The following SNX24 variants were observed in gnomAD, a reference collection of about 807,000 sequenced individuals.
SNX24 encodes the protein sorting nexin-24.
In SNX24, 22 loss-of-function variants were observed where a neutral mutation model predicts 28.7. The ratio of observed to expected loss-of-function variants is 0.77; its 90% CI spans 0.55 to 1.10. The LOEUF (loss-of-function observed/expected upper bound fraction) is 1.10, where lower values mean the gene tolerates loss of function less well. Among genes scored for constraint, SNX24 ranks in the 50% least tolerant of loss-of-function variants. The pLI is 0.00. For synonymous variants in SNX24, 69 were observed against 71.5 expected (o/e 0.96, Z 0.18); for missense variants, 221 against 201.1 (o/e 1.10, Z -0.60).
chr5:122,921,863 T>C (rs572164437), intron 1 of SNX24, among the ~76,000 whole-genome samples: 2 of 152,298 alleles, frequency 1.3e-5, no homozygotes, highest in South Asian at 2.1e-4. Context: ...CTCGAATCCA[T>C]TGTTCTTTCT....
intron 1 of SNX24, among the ~76,000 whole-genome samples, chr5:122,853,115 C>CA (rs1754998900): frequency 1.4e-5 from 1 of 71,588 alleles, no homozygotes; most frequent in Non-Finnish European, 2.5e-5. Flanking sequence ...GTTCTTTAGC[C>CA]TTTTTTTTTT....
At chr5:122,978,485 C>CTG (rs1283802281) in intron 3 of SNX24, among the ~76,000 whole-genome samples, 1 of 152,102 alleles carries the variant, frequency 6.6e-6, no homozygotes, top group Non-Finnish European at 1.5e-5. Flanking sequence ...ATTTTTATTC[C>CTG]TGTGCTACCC....
intron 3 of SNX24, among the ~76,000 whole-genome samples, chr5:122,971,024 C>A (rs1760936900): frequency 6.6e-6 from 1 of 152,142 alleles, no homozygotes; most frequent in Admixed American, 6.5e-5. Context: ...TGAAGTCTCA[C>A]GATAGGCTCT....
intron 1 of SNX24, among the ~76,000 whole-genome samples, chr5:122,885,636 A>G (rs1460632433): frequency 6.6e-6 from 1 of 152,114 alleles, no homozygotes. Context: ...TTAACTCTGG[A>G]CCAAGCAGCT....
chr5:123,026,352 T>C (rs1367748552), intron 5 of SNX24, among the ~76,000 whole-genome samples: 2 of 152,134 alleles, frequency 1.3e-5, no homozygotes. Context: ...TGCACCTGTT[T>C]CCTGAGGCTC....
chr5:122,936,273 A>C (rs1434421238), intron 1 of SNX24, among the ~76,000 whole-genome samples: 1 of 152,152 alleles, frequency 6.6e-6, no homozygotes, highest in Non-Finnish European at 1.5e-5. Context: ...AATTAACCTA[A>C]AATGCACTGC....
At chr5:122,884,195 A>AT (rs1756597057) in intron 1 of SNX24, among the ~76,000 whole-genome samples, 1 of 135,044 alleles carries the variant, frequency 7.4e-6, no homozygotes, top group African/African-American at 2.8e-5. Context: ...TGAATTCTGG[A>AT]TTTTTTTCCT....
At chr5:123,004,154 T>G (rs1275035818) in intron 6 of SNX24, among the ~76,000 whole-genome samples, 1 of 152,206 alleles carries the variant, frequency 6.6e-6, no homozygotes, top group Non-Finnish European at 1.5e-5. Flanking sequence ...AGTGTCTGTC[T>G]TCAAAGATCT....
At chr5:122,964,669 A>T (rs1442376643) in intron 3 of SNX24, among the ~76,000 whole-genome samples, 1 of 152,178 alleles carries the variant, frequency 6.6e-6, no homozygotes, top group Admixed American at 6.5e-5. Context: ...ATATATAAAA[A>T]GTATAAAAAT....
chr5:122,849,635 G>A (rs939238716), intron 1 of SNX24, among the ~76,000 whole-genome samples: 1 of 152,048 alleles, frequency 6.6e-6, no homozygotes, highest in African/African-American at 2.4e-5. Flanking sequence ...AGTTTGTGAA[G>A]AAGTAGGAGA....
At position 122,889,695 on chromosome 5, in the gene SNX24, A is replaced by G. The variant is rs537793644; in HGVS notation, c.60+44002A>G. Among the ~76,000 whole-genome samples the G allele has an allele frequency of 3.8e-5, 5 of 132,262 alleles. No individual in the cohort carries two copies. The South Asian group carries it at 9.6e-4, about 25-fold the overall frequency. 86.8% of individuals were successfully genotyped at this position (132,262 alleles called of 152,430 possible). A position where few individuals can be genotyped will look rare whatever the true frequency, so the allele number is the denominator to read the frequency against. On this transcript the variant is annotated intron_variant, in intron 1 of 6. Transcript: ENST00000261369. ...TATATGTGTATATATATGTATATGT[A>G]TGTGTATATATATGTATATATATAT...
rs747008686 is a variant in SNX24 at position 122,946,087 on chromosome 5, T to G, written c.177T>G (p.Pro59=). The change falls in exon 3 of 7, where the codon CCT becomes CCG. Residue 59 remains proline (P), a synonymous_variant. Transcript: ENST00000261369. Reference sequence around the variant, plus strand: ...AATGTATAAAAACTCCAGAAATCCCTTCTAAACATGTTAGGAACTGGGTCC... The same window carrying G: ...AATGTATAAAAACTCCAGAAATCCCGTCTAAACATGTTAGGAACTGGGTCC... ...LKKCIKTPEI[P]SKHVRNWVPK... is the part of the protein sequence containing the mutation. The G allele has an allele frequency of 2.6e-5, 42 of 1,609,282 alleles. No individual in the cohort carries two copies. The highest frequency in any genetic ancestry group is 3.4e-5 in the Non-Finnish European group (40 of 1,176,746).
chr5:122,860,656 G>C (rs1055296413), intron 1 of SNX24, among the ~76,000 whole-genome samples: 4 of 152,160 alleles, frequency 2.6e-5, no homozygotes, highest in Non-Finnish European at 5.9e-5. Flanking sequence ...GAGTGCAGTG[G>C]CATGGTCTTA....
chr5:122,993,158 C>T lies in SNX24; in HGVS notation c.250-6754C>T, dbSNP rs375251862. On this transcript the variant is annotated intron_variant, in intron 3 of 6. Coordinates refer to ENST00000261369, the MANE Select transcript of SNX24 (RefSeq NM_014035.4). ...ATTCCTTGAGTAGTGCAGTTTTTAC[C>T]AAGGCACAGGCTAGACACATCTTGC... 3.9e-5 allele frequency among the ~76,000 whole-genome samples: 6 copies of T among 152,092 alleles called. 2 individuals are homozygous for T. The highest frequency in any genetic ancestry group is 1.3e-4 in the Admixed American group (2 of 15,284).
chr5:122,875,842 T>G lies in SNX24; in HGVS notation c.60+30149T>G, dbSNP rs193129275. On this transcript the variant is annotated intron_variant, in intron 1 of 6. Transcript: ENST00000261369. ...CTTGCTCTTAGCGCCCAGGCTGGAG[T>G]GCAATGGTGCAGTCTTGGCTCACTG... Among the ~76,000 whole-genome samples, 650 of 152,312 alleles carry G rather than the reference T, an allele frequency of 4.3e-3. 15 individuals are homozygous for G. The highest frequency in any genetic ancestry group is 2.7e-3 in the East Asian group (14 of 5,176).
At chr5:122,864,452 A>G (rs536842910) in intron 1 of SNX24, among the ~76,000 whole-genome samples, 1 of 152,382 alleles carries the variant, frequency 6.6e-6, no homozygotes, top group East Asian at 1.9e-4. Context: ...GAACCGCAAC[A>G]GAGAAAGAGT....
intron 3 of SNX24, among the ~76,000 whole-genome samples, chr5:122,994,170 A>G (rs939329578): frequency 1.3e-5 from 2 of 152,202 alleles, no homozygotes; most frequent in Admixed American, 6.5e-5. Context: ...CAAGTTTTCA[A>G]CAAGATGTTC....
At chr5:122,947,539 G>A (rs1042560716) in intron 3 of SNX24, among the ~76,000 whole-genome samples, 1 of 152,226 alleles carries the variant, frequency 6.6e-6, no homozygotes, top group Admixed American at 6.5e-5. Flanking sequence ...GAACTTGGTA[G>A]AAGAATCCTT....
At chr5:122,964,272 A>AAAAAAAAAAAAAAAAAAAAAAAAAAT in intron 3 of SNX24, among the ~76,000 whole-genome samples, 1 of 150,532 alleles carries the variant, frequency 6.6e-6, no homozygotes, top group South Asian at 2.1e-4. Context: ...AAAAAAAAAA[A>AAAAAAAAAAAAAAAAAAAAAAAAAAT]GAACAATAGT....
Sources: gnomAD v4.1 joint callset for allele counts (sites outside exome capture counted in the v4.1 genomes callset) on GRCh38, gnomAD v4.1.1 for gene constraint, MANE v1.5 for transcripts, NCBI Gene and HGNC (gene_info 2026-07-23, HGNC 2026-07-21) for gene names.